The following SPATA33 variants were observed in gnomAD, a reference collection of about 807,000 sequenced individuals.
SPATA33 encodes spermatogenesis-associated protein 33.
A neutral mutation model predicts 8.9 loss-of-function variants in SPATA33; 10 were observed. The observed-to-expected ratio is 1.12, with a 90% CI of 0.69 to 1.90. The LOEUF (loss-of-function observed/expected upper bound fraction) is 1.90. SPATA33 is among the 40% of genes most tolerant of loss of function. The pLI, the probability that SPATA33 is intolerant of heterozygous loss-of-function variation, is 0.00. For missense variants in SPATA33, 241 were observed against 178.3 expected (o/e 1.35, Z -2.00); for synonymous variants, 96 against 72.8 (o/e 1.32, Z -1.63).
At position 89,657,873 on chromosome 16, in the gene SPATA33, G is replaced by C. The variant is rs2059900979; in HGVS notation, c.-39G>C. ...CGGCTCCGCGGCCGCGGAGGTGTGG[G>C]GACCCGGGCTTGCGTCGGAGGGGGC... is the stretch of plus-strand genomic sequence containing the variant. On this transcript the variant is annotated 5_prime_UTR_variant, in exon 1 of 3. Transcript: ENST00000579310. The C allele has an allele frequency of 6.6e-7, 1 of 1,515,596 alleles. No individual in the cohort carries two copies. The highest frequency in any genetic ancestry group is 2.1e-5 in the Admixed American group (1 of 48,640). 93.9% of individuals were successfully genotyped at this position (1,515,596 alleles called of 1,614,324 possible).
intron 2 of SPATA33, 28 bp from the exon 3 acceptor site, chr16:89,669,258 C>A (rs774348322): frequency 6.2e-7 from 1 of 1,606,270 alleles, no homozygotes; most frequent in South Asian, 1.1e-5. Flanking sequence ...CACACATCTA[C>A]TAAATGCCTG....
chr16:89,669,165 C>A, intron 2 of SPATA33, 121 bp from the exon 3 acceptor site: 6 of 875,380 alleles, frequency 6.9e-6, no homozygotes, highest in Non-Finnish European at 1.1e-5. Context: ...TTTGGACTCA[C>A]CCATTTTTTC....
intron 2 of SPATA33, among the ~76,000 whole-genome samples, chr16:89,667,253 G>T (rs1465286857): frequency 6.6e-6 from 1 of 152,138 alleles, no homozygotes; most frequent in East Asian, 1.9e-4. Context: ...ATAACAAAAG[G>T]CTCACACTCT....
intron 2 of SPATA33, among the ~76,000 whole-genome samples, chr16:89,668,322 A>G (rs2060052971): frequency 6.6e-6 from 1 of 152,226 alleles, no homozygotes; most frequent in South Asian, 2.1e-4. Flanking sequence ...AAAAACTAAG[A>G]AGAAGATTAA....
At chr16:89,667,222 C>T (rs998514709) in intron 2 of SPATA33, among the ~76,000 whole-genome samples, 2 of 152,200 alleles carry the variant, frequency 1.3e-5, no homozygotes, top group African/African-American at 4.8e-5. Context: ...CCAAGGAGCC[C>T]TCTGGTGGCC....
chr16:89,658,534 C>A, intron 2 of SPATA33, 113 bp downstream of exon 2: 1 of 1,373,290 alleles, frequency 7.3e-7, no homozygotes, highest in Admixed American at 2.7e-5. Context: ...CAGGCACGCG[C>A]CGTAAAGATG....
In SPATA33 at chr16:89,669,486, C is replaced by T. The variant is rs563380376; in HGVS notation, c.412C>T (p.Leu138Phe). ...TACAGCAGACGCCTATAATTCACATCTCAAAGAATAAACAAGCACCTTTGC... is the reference window on the plus strand; with the variant it reads ...TACAGCAGACGCCTATAATTCACATTTCAAAGAATAAACAAGCACCTTTGC... Reference protein sequence around the residue: ...PSTADAYNSHLKE With the variant: ...PSTADAYNSHFKE The change falls in exon 3 of 3, where the codon CTC (leucine) becomes TTC (phenylalanine). Residue 138 changes from leucine (L) to phenylalanine (F), a missense_variant. Coordinates refer to ENST00000579310, the MANE Select transcript of SPATA33 (RefSeq NM_001271907.2). 1 of 1,612,676 alleles carries T rather than the reference C, an allele frequency of 6.2e-7. No individual in the cohort carries two copies. Among genetic ancestry groups the T allele is most frequent in the Middle Eastern group, 2.0e-4 (1 of 4,922 alleles).
At position 89,669,963 on chromosome 16, in the gene SPATA33, C is replaced by G. The variant is rs1597810386; in HGVS notation, c.*466C>G. On this transcript the variant is annotated 3_prime_UTR_variant, in exon 3 of 3. Transcript: ENST00000579310. ...CCCCACGCTGTAAGAAGCCGCCGCCCCCTTCTCCAGTGCTCTCCAGCCCGC... is the reference window on the plus strand; with the variant it reads ...CCCCACGCTGTAAGAAGCCGCCGCCGCCTTCTCCAGTGCTCTCCAGCCCGC... 5.8e-6 allele frequency: 1 copy of G among 171,206 alleles called. No individual in the cohort carries two copies. The allele number at this position is 171,206 out of a possible 1,614,324, so 10.6% of individuals were successfully genotyped here.
intron 2 of SPATA33, among the ~76,000 whole-genome samples, chr16:89,665,218 C>G (rs2151531646): frequency 6.6e-6 from 1 of 152,290 alleles, no homozygotes; most frequent in East Asian, 1.9e-4. Context: ...TGGTCTCGAA[C>G]TCCAGAGGCC....
At chr16:89,667,193 C>T (rs548110006) in intron 2 of SPATA33, among the ~76,000 whole-genome samples, 3 of 152,278 alleles carry the variant, frequency 2.0e-5, no homozygotes, top group African/African-American at 4.8e-5. Context: ...TCCTACCAGA[C>T]GCTGGCGTTA....
intron 2 of SPATA33, among the ~76,000 whole-genome samples, chr16:89,663,739 T>C (rs1016144366): frequency 6.6e-6 from 1 of 152,070 alleles, no homozygotes; most frequent in Non-Finnish European, 1.5e-5. Flanking sequence ...TTGGTGGTGA[T>C]TGATTAAATG....
At chr16:89,666,422 G>A (rs2060025997) in intron 2 of SPATA33, among the ~76,000 whole-genome samples, 1 of 152,128 alleles carries the variant, frequency 6.6e-6, no homozygotes, top group South Asian at 2.1e-4. Context: ...CAGCGCTTTG[G>A]GAGGGTGAAG....
In SPATA33 at chr16:89,669,563, C is replaced by T. The variant is rs1469691969; in HGVS notation, c.*66C>T. 27 of 1,528,518 alleles carry T rather than the reference C, an allele frequency of 1.8e-5. No homozygotes were observed. The East Asian group carries it at 6.0e-4, about 34-fold the overall frequency. The allele number at this position is 1,528,518 out of a possible 1,614,324, so 94.7% of individuals were successfully genotyped here. On this transcript the variant is annotated 3_prime_UTR_variant, in exon 3 of 3. Transcript: ENST00000579310. ...GCGTCTCGGGAACAGCCGCCTCACC[C>T]TGTGAGAAGCCGAGGCCCCTTCTCC...
chr16:89,658,516 A>T, intron 2 of SPATA33, 95 bp downstream of exon 2: 2 of 1,454,386 alleles, frequency 1.4e-6, no homozygotes, highest in African/African-American at 2.9e-5. Context: ...CCGGATGGAC[A>T]CTAGTAGCAG....
At position 89,658,376 on chromosome 16, in the gene SPATA33, G is replaced by C. The variant is rs1174560368; in HGVS notation, c.166G>C (p.Gly56Arg). The change falls in exon 2 of 3, where the codon GGG becomes CGG. Residue 56 changes from glycine to arginine, a missense_variant. Transcript: ENST00000579310. ...GAAGCCTGTGGACAGCCTCCACCCG[G>C]GGGCCGGGACAGCCAAGCACCCGCC... ...SEKPVDSLHP[G>R]AGTAKHPPPA... is the part of the protein sequence containing the mutation. The C allele has an allele frequency of 3.7e-6, 6 of 1,613,136 alleles. No homozygotes were observed. The highest frequency in any genetic ancestry group is 3.4e-4 in the Middle Eastern group (2 of 5,884).
intron 2 of SPATA33, among the ~76,000 whole-genome samples, chr16:89,666,562 G>T (rs2060028237): frequency 6.6e-6 from 1 of 152,116 alleles, no homozygotes; most frequent in African/African-American, 2.4e-5. Context: ...GGGTCGGTGG[G>T]TTTTCTCCCC....
chr16:89,662,763 GC>G (rs1277315462), intron 2 of SPATA33, among the ~76,000 whole-genome samples: 3 of 151,246 alleles, frequency 2.0e-5, no homozygotes, highest in African/African-American at 7.3e-5. Context: ...GAGCCACCAC[GC>G]CCAGCCTGTT....
intron 2 of SPATA33, chr16:89,660,335 G>A (rs545359355): frequency 5.7e-6 from 3 of 526,226 alleles, no homozygotes; most frequent in Admixed American, 8.8e-5. Context: ...ACCAGGGGCT[G>A]GAGGGAGCTG....
Position 89,657,864 on chromosome 16 carries a change from G to A in SPATA33, c.-48G>A, listed in dbSNP as rs570063284. On this transcript the variant is annotated 5_prime_UTR_variant, in exon 1 of 3. Coordinates refer to ENST00000579310, the MANE Select transcript of SPATA33 (RefSeq NM_001271907.2). The stretch of plus-strand genomic sequence containing the variant: ...AGTCGCTCCCGGCTCCGCGGCCGCG[G>A]AGGTGTGGGGACCCGGGCTTGCGTC... The A allele has an allele frequency of 6.6e-7, 1 of 1,511,722 alleles. No individual in the cohort carries two copies. Among genetic ancestry groups the A allele is most frequent in the Non-Finnish European group, 8.8e-7 (1 of 1,137,216 alleles). The allele number at this position is 1,511,722 out of a possible 1,614,324, so 93.6% of individuals were successfully genotyped here. A position where few individuals can be genotyped will look rare whatever the true frequency, so the allele number is the denominator to read the frequency against.
Sources: allele counts gnomAD v4.1 joint callset (sites outside exome capture counted in the v4.1 genomes callset), GRCh38; gene constraint gnomAD v4.1.1; transcripts MANE v1.5; gene names NCBI Gene and HGNC (gene_info 2026-07-23, HGNC 2026-07-21).